The following ARHGAP15 variants were observed in gnomAD, a reference collection of about 807,000 sequenced individuals.
ARHGAP15 encodes Rho GTPase activating protein 15, also known as rho GTPase-activating protein 15.
ARHGAP15 carries 51 observed loss-of-function variants against 63.7 expected under a neutral mutation model. The observed-to-expected ratio is 0.80, with a 90% CI of 0.64 to 1.01. The LOEUF (loss-of-function observed/expected upper bound fraction) is 1.01. Ranked by LOEUF, ARHGAP15 falls within the 50% of genes least tolerant of loss-of-function variation. ARHGAP15 has a pLI of 0.00. For synonymous variants in ARHGAP15, 191 were observed against 193.8 expected (o/e 0.99, Z 0.12); for missense variants, 560 against 564.6 (o/e 0.99, Z 0.08).
intron 9 of ARHGAP15, among the ~76,000 whole-genome samples, chr2:143,503,350 A>G (rs761039000): frequency 2.6e-5 from 4 of 152,220 alleles, no homozygotes; most frequent in Non-Finnish European, 4.4e-5. Context: ...TTCCTGTGCT[A>G]TTTAAAAGAG....
At chr2:143,179,569 T>C (rs951339179) in intron 2 of ARHGAP15, among the ~76,000 whole-genome samples, 1 of 152,206 alleles carries the variant, frequency 6.6e-6, no homozygotes, top group African/African-American at 2.4e-5. Flanking sequence ...TATAGTCTAT[T>C]AAGAGAGCAA....
At chr2:143,214,018 T>C (rs900203723) in intron 3 of ARHGAP15, among the ~76,000 whole-genome samples, 32 of 152,368 alleles carry the variant, frequency 2.1e-4, no homozygotes, top group African/African-American at 7.5e-4. Flanking sequence ...CCTGTTTATG[T>C]TGATTTCTCC....
chr2:143,766,790 T>C (rs1170963504), intron 13 of ARHGAP15: 2 of 152,260 alleles, frequency 1.3e-5, no homozygotes, highest in Admixed American at 6.5e-5. Flanking sequence ...TTCGGTACTA[T>C]CCAAGGTCTC....
intron 8 of ARHGAP15, among the ~76,000 whole-genome samples, chr2:143,449,232 G>T (rs1690285040): frequency 6.6e-6 from 1 of 152,010 alleles, no homozygotes; most frequent in Admixed American, 6.6e-5. Flanking sequence ...AAATGATTCT[G>T]AGCCTAAACT....
chr2:143,211,600 T>C (rs1692566095), intron 3 of ARHGAP15, among the ~76,000 whole-genome samples: 1 of 152,022 alleles, frequency 6.6e-6, no homozygotes, highest in African/African-American at 2.4e-5. Context: ...TATAGAGAGA[T>C]GATGCAGAGT....
chr2:143,262,087 A>G (rs1680750275), intron 6 of ARHGAP15, among the ~76,000 whole-genome samples: 1 of 152,142 alleles, frequency 6.6e-6, no homozygotes, highest in Non-Finnish European at 1.5e-5. Context: ...AGATAGTAAA[A>G]GATGTGTAAC....
chr2:143,310,646 AAC>A (rs1471339169), intron 6 of ARHGAP15, among the ~76,000 whole-genome samples: 1 of 152,182 alleles, frequency 6.6e-6, no homozygotes, highest in African/African-American at 2.4e-5. Context: ...AAGCTCTGTT[AAC>A]ACAGTTATTT....
At chr2:143,159,127 T>C (rs184127734) in intron 2 of ARHGAP15, among the ~76,000 whole-genome samples, 29 of 152,062 alleles carry the variant, frequency 1.9e-4, no homozygotes, top group African/African-American at 6.7e-4. Context: ...ATGGCCATCA[T>C]GAACAGGAAA....
rs1393883207 is a variant in ARHGAP15 at position 143,134,839 on chromosome 2, G to A, written c.-15+5373G>A. 2.6e-5 allele frequency among the ~76,000 whole-genome samples: 4 copies of A among 152,080 alleles called. No homozygotes were observed. In the East Asian group the frequency reaches 5.8e-4, roughly 22 times the overall value. Reference sequence around the variant, plus strand: ...TTTTTAGTAGAGTCGGGGTTTCACGGTGTTAGCCAGGATGGTGTCGATCTC... The same window carrying A: ...TTTTTAGTAGAGTCGGGGTTTCACGATGTTAGCCAGGATGGTGTCGATCTC... On this transcript the variant is annotated intron_variant, in intron 1 of 13. Coordinates refer to ENST00000295095, the MANE Select transcript of ARHGAP15 (RefSeq NM_018460.4).
intron 6 of ARHGAP15, among the ~76,000 whole-genome samples, chr2:143,385,980 A>G (rs990838736): frequency 6.6e-6 from 1 of 152,060 alleles, no homozygotes; most frequent in Non-Finnish European, 1.5e-5. Flanking sequence ...ATAAATAAAT[A>G]CTTCCTCTCT....
At chr2:143,688,540 A>G (rs998511410) in intron 12 of ARHGAP15, among the ~76,000 whole-genome samples, 1 of 152,180 alleles carries the variant, frequency 6.6e-6, no homozygotes. Context: ...GATCCAAATT[A>G]AGTAAAGAAG....
intron 6 of ARHGAP15, among the ~76,000 whole-genome samples, chr2:143,406,962 G>C (rs1455618072): frequency 2.0e-5 from 3 of 151,900 alleles, no homozygotes; most frequent in Non-Finnish European, 4.4e-5. Flanking sequence ...GTCTGGAAGT[G>C]GTGGATTTAC....
In ARHGAP15 at chr2:143,262,540, T is replaced by G. The variant is rs1003036816; in HGVS notation, c.474+11940T>G. The stretch of plus-strand genomic sequence containing the variant: ...ATGCGGGGTCTGAACCTTTGATTTT[T>G]TTTTTTTTTTTTTTTTTTTACTTTG... On this transcript the variant is annotated intron_variant, in intron 6 of 13. Coordinates refer to ENST00000295095, the MANE Select transcript of ARHGAP15 (RefSeq NM_018460.4). Among the ~76,000 whole-genome samples, 3 of 145,648 alleles carry G rather than the reference T, an allele frequency of 2.1e-5. No individual in the cohort carries two copies. The South Asian group carries it at 6.8e-4, about 33-fold the overall frequency.
chr2:143,504,720 C>T (rs1693226086), intron 9 of ARHGAP15, among the ~76,000 whole-genome samples: 1 of 152,154 alleles, frequency 6.6e-6, no homozygotes, highest in Admixed American at 6.6e-5. Flanking sequence ...TCTCCTCTCT[C>T]ATTTCTTTCT....
intron 9 of ARHGAP15, among the ~76,000 whole-genome samples, chr2:143,514,070 C>A (rs987908632): frequency 6.6e-6 from 1 of 152,098 alleles, no homozygotes; most frequent in African/African-American, 2.4e-5. Flanking sequence ...GTACAATAAA[C>A]CCTCACTATT....
At chr2:143,435,908 T>C (rs1689593456) in intron 7 of ARHGAP15, among the ~76,000 whole-genome samples, 1 of 152,158 alleles carries the variant, frequency 6.6e-6, no homozygotes, top group African/African-American at 2.4e-5. Flanking sequence ...TTCAAAAATA[T>C]AGTGCATTCT....
At chr2:143,413,258 T>TTAA (rs1407861439) in intron 6 of ARHGAP15, among the ~76,000 whole-genome samples, 1 of 152,210 alleles carries the variant, frequency 6.6e-6, no homozygotes, top group Non-Finnish European at 1.5e-5. Context: ...GCAGATCACC[T>TTAA]TAATCCGAGT....
At chr2:143,448,261 A>AG (rs1292443377) in intron 8 of ARHGAP15, among the ~76,000 whole-genome samples, 2 of 152,166 alleles carry the variant, frequency 1.3e-5, no homozygotes, top group African/African-American at 4.8e-5. Context: ...CCATTGGCAA[A>AG]GGGTCTCTCA....
intron 6 of ARHGAP15, among the ~76,000 whole-genome samples, chr2:143,400,946 A>C (rs1687964911): frequency 6.6e-6 from 1 of 152,068 alleles, no homozygotes; most frequent in Non-Finnish European, 1.5e-5. Flanking sequence ...CCACATTCCA[A>C]GCCTGGTAAA....
Sources: allele counts gnomAD v4.1 joint callset (sites outside exome capture counted in the v4.1 genomes callset), GRCh38; gene constraint gnomAD v4.1.1; transcripts MANE v1.5; gene names NCBI Gene and HGNC (gene_info 2026-07-23, HGNC 2026-07-21).